Variants in TIMELESS observed in about 807,000 individuals in gnomAD.
TIMELESS encodes the protein timeless circadian regulator.
In TIMELESS, 124 loss-of-function variants were observed where a neutral mutation model predicts 164.3. That is an observed-to-expected ratio of 0.75 (90% CI 0.65 to 0.88). The LOEUF (loss-of-function observed/expected upper bound fraction) is 0.88, where lower values mean the gene tolerates loss of function less well. Ranked by LOEUF, TIMELESS falls within the 40% of genes least tolerant of loss-of-function variation. The probability of loss-of-function intolerance (pLI) is 0.00; values close to 1 mark genes in which losing one functional copy is unlikely to be tolerated. For synonymous variants in TIMELESS, 564 were observed against 563.4 expected, an observed-to-expected ratio of 1.00 and a Z score of -0.02; for missense variants, 1,422 against 1,491.4, an observed-to-expected ratio of 0.95 and a Z score of 0.77.
At position 56,423,404 on chromosome 12, in the gene TIMELESS, G is replaced by T. The variant is rs1411327985; in HGVS notation, c.2162C>A (p.Thr721Asn). The T allele has an allele frequency of 6.2e-7, 1 of 1,614,156 alleles. No individual in the cohort carries two copies. Among genetic ancestry groups the T allele is most frequent in the Non-Finnish European group, 8.5e-7 (1 of 1,180,038 alleles). The change falls in exon 18 of 29, where the codon ACT (threonine) becomes AAT (asparagine). Residue 721 changes from threonine to asparagine, a missense_variant. Thr to Asn is a moderately conservative substitution (Grantham distance 65, BLOSUM62 0). Transcript: ENST00000553532. Reference protein sequence around the residue: ...LRSYQQNSAHTNHCIVKMLHR... With the variant: ...LRSYQQNSAHNNHCIVKMLHR... ...CAGCATCTTCACAATGCAATGGTTA[G>T]TGTGGGCACTATTCTGCTGGTAGCT... is the stretch of plus-strand genomic sequence containing the variant.
chr12:56,439,126 A>G (rs567851213), intron 1 of TIMELESS, among the ~76,000 whole-genome samples: 23 of 127,450 alleles, frequency 1.8e-4, no homozygotes, highest in African/African-American at 5.7e-4. Flanking sequence ...AAATCGTGCC[A>G]CTGCACTCCA....
rs781320349 is a variant in TIMELESS at position 56,434,096 on chromosome 12, G to A, written c.75C>T (p.Tyr25=). ...CACCTAAGCAATCTGGTTCCTTATG[G>A]TAAGTGTCTCCCTCCAAGTACCCAA... ...SALGYLEGDT[Y]HKEPDCLESV... Residue 25 remains tyrosine (Y), a synonymous_variant, in exon 2 of 29, where the codon TAC becomes TAT. Transcript: ENST00000553532. 2 of 1,614,054 alleles carry A rather than the reference G, an allele frequency of 1.2e-6. No individual in the cohort carries two copies. The highest frequency in any genetic ancestry group is 1.7e-6 in the Non-Finnish European group (2 of 1,179,958).
At chr12:56,417,824 C>T (rs1881314733) in intron 28 of TIMELESS, 38 bp from the exon 29 acceptor site, 1 of 1,613,270 alleles carries the variant, frequency 6.2e-7, no homozygotes, top group Admixed American at 1.7e-5. Flanking sequence ...GAGAGAATAT[C>T]TAAATATGTT....
intron 1 of TIMELESS, among the ~76,000 whole-genome samples, chr12:56,443,545 C>T (rs1455304253): frequency 6.6e-6 from 1 of 152,186 alleles, no homozygotes; most frequent in East Asian, 1.9e-4. Context: ...GCCTTGTGAT[C>T]CTGCTCTGCC....
intron 13 of TIMELESS, among the ~76,000 whole-genome samples, chr12:56,426,254 T>A (rs1881673577): frequency 6.6e-6 from 1 of 152,154 alleles, no homozygotes; most frequent in Non-Finnish European, 1.5e-5. Flanking sequence ...TTACAGATAA[T>A]ACCACAGAGC....
rs891105288 is a variant in TIMELESS, at chr12:56,422,186, G to C, written c.2444C>G (p.Ser815Cys). 4 of 1,613,928 alleles carry C rather than the reference G, an allele frequency of 2.5e-6. No individual in the cohort carries two copies. The highest frequency in any genetic ancestry group is 2.2e-5 in the East Asian group (1 of 44,876). ...EGYGSLDDRS[S>C]SRRAPTWSPE... is the part of the protein sequence containing the mutation. ...GCTCCATGTAGGTGCTCTGCGACTG[G>C]AAGACCTGAATGGTGAAAGGAGAAA... Residue 815 changes from serine (S) to cysteine (C), a missense_variant, in exon 20 of 29, where the codon TCC (serine) becomes TGC (cysteine). Transcript: ENST00000553532.
At chr12:56,432,003 C>T (rs1420580638) in intron 7 of TIMELESS, among the ~76,000 whole-genome samples, 1 of 151,892 alleles carries the variant, frequency 6.6e-6, no homozygotes, top group African/African-American at 2.4e-5. Context: ...ATGGCTAGTA[C>T]ATGACTAACA....
Position 56,417,736 on chromosome 12 carries a change from C to T in TIMELESS, c.3607G>A (p.Glu1203Lys), listed in dbSNP as rs1300939759. 1 of 1,614,198 alleles carries T rather than the reference C, an allele frequency of 6.2e-7. No homozygotes were observed. The highest frequency in any genetic ancestry group is 2.2e-5 in the East Asian group (1 of 44,886). Reference sequence around the variant, plus strand: ...GCTCTTCAGTCATCCTCATCATCCTCAATCTGGTATCGTTTCTTCTTTTGG... The same window carrying T: ...GCTCTTCAGTCATCCTCATCATCCTTAATCTGGTATCGTTTCTTCTTTTGG... ...GIQKKKRYQI[E>K]DDEDD The change falls in exon 29 of 29, where the codon GAG (glutamate) becomes AAG (lysine). Residue 1203 changes from glutamate to lysine, a missense_variant. Glu to Lys is a moderately conservative substitution (Grantham distance 56). Coordinates refer to ENST00000553532, the MANE Select transcript of TIMELESS (RefSeq NM_003920.5).
rs1300747048 is a variant in TIMELESS, at chr12:56,419,978, G to A, written c.3228+591C>T. ...GCTGAGACTGAGCCACTGCACTCCA[G>A]CCTGGGTGATGGAGTGAGACTCTGT... On this transcript the variant is annotated intron_variant, in intron 26 of 28. Coordinates refer to ENST00000553532, the MANE Select transcript of TIMELESS (RefSeq NM_003920.5). 8.4e-4 allele frequency among the ~76,000 whole-genome samples: 97 copies of A among 115,728 alleles called. 2 individuals are homozygous for A. The highest frequency in any genetic ancestry group is 7.2e-3 in the Middle Eastern group (1 of 138). The allele number at this position is 115,728 out of a possible 152,430, so 75.9% of individuals were successfully genotyped here. A position where few individuals can be genotyped will look rare whatever the true frequency, so the allele number is the denominator to read the frequency against.
intron 4 of TIMELESS, 29 bp from the exon 5 acceptor site, chr12:56,433,472 A>G (rs757328673): frequency 1.9e-6 from 3 of 1,613,998 alleles, no homozygotes; most frequent in Middle Eastern, 1.6e-4. Context: ...GATCTTAAGT[A>G]GCAGTCATCC....
chr12:56,445,353 T>C (rs1267246997), intron 1 of TIMELESS, among the ~76,000 whole-genome samples: 1 of 106,698 alleles, frequency 9.4e-6, no homozygotes, highest in African/African-American at 3.7e-5. Context: ...ACCCAGGAGG[T>C]GGAGGTTGCG....
At chr12:56,424,937 A>G in intron 14 of TIMELESS, 24 bp from the exon 15 acceptor site, 2 of 1,614,086 alleles carry the variant, frequency 1.2e-6, no homozygotes, top group Admixed American at 1.7e-5. Flanking sequence ...AAGCTATGGG[A>G]GCGGAGGGAG....
intron 22 of TIMELESS, 92 bp downstream of exon 22, chr12:56,421,635 A>G: frequency 6.5e-7 from 1 of 1,540,018 alleles, no homozygotes. Context: ...AAGGGATGGG[A>G]GAATCTTTCC....
At chr12:56,433,499 C>T (rs553837888) in intron 4 of TIMELESS, 39 bp downstream of exon 4, 1 of 1,613,710 alleles carries the variant, frequency 6.2e-7, no homozygotes, top group South Asian at 1.1e-5. Flanking sequence ...TCACCACTGC[C>T]CCATATTCCA....
rs745841632 is a variant in TIMELESS, at chr12:56,428,367, G to A, written c.1447C>T (p.Leu483=). Reference sequence around the variant, plus strand: ...TCATCAAACTTTCGAAAAAGTGCCAGGAATAGTTCTCGGTACTCCATCACA... The same window carrying A: ...TCATCAAACTTTCGAAAAAGTGCCAAGAATAGTTCTCGGTACTCCATCACA... ...FYVMEYRELF[L]ALFRKFDERC... Residue 483 remains leucine, a synonymous_variant, in exon 13 of 29, where the codon CTG becomes TTG. Coordinates refer to ENST00000553532, the MANE Select transcript of TIMELESS (RefSeq NM_003920.5). The A allele has an allele frequency of 6.2e-7, 1 of 1,612,996 alleles. No homozygotes were observed. Among genetic ancestry groups the A allele is most frequent in the South Asian group, 1.1e-5 (1 of 91,030 alleles).
At chr12:56,419,459 A>T (rs1038243422) in intron 26 of TIMELESS, among the ~76,000 whole-genome samples, 1 of 148,050 alleles carries the variant, frequency 6.8e-6, no homozygotes, top group South Asian at 2.2e-4. Flanking sequence ...AGACAGATGG[A>T]GTGTGTGTGT....
chr12:56,440,240 G>C lies in TIMELESS; in HGVS notation c.-61-6009C>G, dbSNP rs1270151105. Among the ~76,000 whole-genome samples, 5 of 144,090 alleles carry C rather than the reference G, an allele frequency of 3.5e-5. No individual in the cohort carries two copies. In the East Asian group the frequency reaches 1.1e-3, roughly 30 times the overall value. The allele number at this position is 144,090 out of a possible 152,430, so 94.5% of individuals were successfully genotyped here. A position where few individuals can be genotyped will look rare whatever the true frequency, so the allele number is the denominator to read the frequency against. On this transcript the variant is annotated intron_variant, in intron 1 of 28. Transcript: ENST00000553532. ...TGCAACCGCCACCTCCTGGATTCAA[G>C]CAACTCTTCTGCCTCAGCTTCCCAA...
intron 6 of TIMELESS, 45 bp from the exon 7 acceptor site, chr12:56,432,569 C>T: frequency 6.3e-7 from 1 of 1,596,460 alleles, no homozygotes; most frequent in Non-Finnish European, 8.6e-7. Flanking sequence ...CATTCAATCC[C>T]ACTGCCCTGC....
chr12:56,442,379 A>G (rs1868288025), intron 1 of TIMELESS, among the ~76,000 whole-genome samples: 1 of 152,208 alleles, frequency 6.6e-6, no homozygotes, highest in African/African-American at 2.4e-5. Flanking sequence ...GATGAGTCCA[A>G]CAGGAAAGCA....
Sources: allele counts gnomAD v4.1 joint callset (sites outside exome capture counted in the v4.1 genomes callset), GRCh38; gene constraint gnomAD v4.1.1; transcripts MANE v1.5; gene names NCBI Gene and HGNC (gene_info 2026-07-23, HGNC 2026-07-21).